Variants in SLC35F3 observed in about 807,000 individuals in gnomAD.
SLC35F3 encodes the protein solute carrier family 35 member F3.
A neutral mutation model predicts 49.9 loss-of-function variants in SLC35F3; 25 were observed. The observed-to-expected ratio is 0.50, with a 90% CI of 0.37 to 0.70. The LOEUF is 0.70. Among genes scored for constraint, SLC35F3 ranks in the 30% least tolerant of loss-of-function variants. The pLI, the probability that SLC35F3 is intolerant of heterozygous loss-of-function variation, is 0.00. For synonymous variants in SLC35F3, 275 were observed against 265.4 expected (o/e 1.04, Z -0.35); for missense variants, 525 against 639.8 (o/e 0.82, Z 1.94).
chr1:233,990,565 G>A (rs1663337806), intron 2 of SLC35F3, among the ~76,000 whole-genome samples: 1 of 152,222 alleles, frequency 6.6e-6, no homozygotes, highest in Non-Finnish European at 1.5e-5. Context: ...GTACTTAATA[G>A]CAATGTATTG....
chr1:234,318,837 C>T lies in SLC35F3; in HGVS notation c.1041C>T (p.Phe347=), dbSNP rs773902873. 1 of 1,614,170 alleles carries T rather than the reference C, an allele frequency of 6.2e-7. No homozygotes were observed. Among genetic ancestry groups the T allele is most frequent in the Non-Finnish European group, 8.5e-7 (1 of 1,179,994 alleles). Reference sequence around the variant, plus strand: ...TCTTGGGTGTGTTTAACATCCTCTTCATCACCTGCATTCCTATTATCCTCT... The same window carrying T: ...TCTTGGGTGTGTTTAACATCCTCTTTATCACCTGCATTCCTATTATCCTCT... ...LSILGVFNIL[F]ITCIPIILYF... Residue 347 remains phenylalanine, a synonymous_variant, in exon 6 of 8, where the codon TTC becomes TTT. Coordinates refer to ENST00000366618, the MANE Select transcript of SLC35F3 (RefSeq NM_173508.4).
chr1:233,995,400 G>C (rs1937260), intron 2 of SLC35F3, among the ~76,000 whole-genome samples: 33 of 140,734 alleles, frequency 2.3e-4, no homozygotes, highest in South Asian at 4.5e-4. Context: ...GGGAGCCCCT[G>C]GCCAGATGGA....
intron 2 of SLC35F3, among the ~76,000 whole-genome samples, chr1:234,226,276 C>T (rs1180951359): frequency 6.6e-6 from 1 of 152,142 alleles, no homozygotes; most frequent in South Asian, 2.1e-4. Flanking sequence ...ATCTCCTTTA[C>T]ATTTGAAAGG....
At chr1:233,913,151 A>G (rs912408340) in intron 2 of SLC35F3, among the ~76,000 whole-genome samples, 3 of 152,208 alleles carry the variant, frequency 2.0e-5, no homozygotes, top group Non-Finnish European at 4.4e-5. Context: ...GTCATTCACA[A>G]CAGAAATAGA....
At chr1:234,105,151 G>C (rs1665267007) in intron 2 of SLC35F3, among the ~76,000 whole-genome samples, 1 of 150,164 alleles carries the variant, frequency 6.7e-6, no homozygotes, top group South Asian at 2.1e-4. Context: ...AAACCTTTGG[G>C]CTCCAACCCT....
chr1:234,281,459 C>T (rs1231105966), intron 3 of SLC35F3, among the ~76,000 whole-genome samples: 1 of 152,220 alleles, frequency 6.6e-6, no homozygotes, highest in Non-Finnish European at 1.5e-5. Context: ...CCCTTGTTTG[C>T]TCTTTGTACC....
At chr1:233,931,065 C>T (rs36117461) in intron 2 of SLC35F3, among the ~76,000 whole-genome samples, 68,894 of 151,982 alleles carry the variant, frequency 0.45, 16,638 homozygotes, top group Non-Finnish European at 0.54. Context: ...TAAATGGTGT[C>T]GGGAAAACTG....
Position 233,957,793 on chromosome 1 carries a change from C to T in SLC35F3, c.283+52035C>T, listed in dbSNP as rs556907096. On this transcript the variant is annotated intron_variant, in intron 2 of 7. Transcript: ENST00000366618. The surrounding 1 kb of genome is among the most constrained non-coding windows in gnomAD (Gnocchi z 4.0). Reference sequence around the variant, plus strand: ...CTGCATGATTGCACTCCACCTAGGGCGACAAAAGCGAAACTCCATCTCAAA... The same window carrying T: ...CTGCATGATTGCACTCCACCTAGGGTGACAAAAGCGAAACTCCATCTCAAA... Among the ~76,000 whole-genome samples, 3 of 151,816 alleles carry T rather than the reference C, an allele frequency of 2.0e-5. No homozygotes were observed. The South Asian group carries it at 6.3e-4, about 32-fold the overall frequency.
chr1:234,207,903 G>C (rs1208484573), intron 2 of SLC35F3, among the ~76,000 whole-genome samples: 1 of 152,194 alleles, frequency 6.6e-6, no homozygotes, highest in Non-Finnish European at 1.5e-5. Flanking sequence ...TAGCTGCTCA[G>C]GAGGCTTAGG....
In SLC35F3 at chr1:233,905,668, A is replaced by T; in HGVS notation, c.193A>T (p.Ser65Cys). The stretch of plus-strand genomic sequence containing the variant: ...GTCGCGCTCCGTGGAGGATCTCACC[A>T]GCGGGCCGGTGGGGCTCACGTCCAT... ...KWSRSVEDLT[S>C]GPVGLTSIEE... The change falls in exon 2 of 8, where the codon AGC (serine) becomes TGC (cysteine). Residue 65 changes from serine to cysteine, a missense_variant. By Grantham distance (112) the Ser-to-Cys change is moderately radical. Coordinates refer to ENST00000366618, the MANE Select transcript of SLC35F3 (RefSeq NM_173508.4). The T allele has an allele frequency of 6.2e-7, 1 of 1,614,164 alleles. No homozygotes were observed. Among genetic ancestry groups the T allele is most frequent in the Non-Finnish European group, 8.5e-7 (1 of 1,180,026 alleles).
intron 4 of SLC35F3, among the ~76,000 whole-genome samples, chr1:234,311,217 C>T (rs1657346899): frequency 6.6e-6 from 1 of 151,796 alleles, no homozygotes; most frequent in Non-Finnish European, 1.5e-5. Context: ...ACTCCCTCTT[C>T]TCTTCTTCAG....
intron 2 of SLC35F3, among the ~76,000 whole-genome samples, chr1:234,155,991 G>A (rs1317238798): frequency 6.6e-6 from 1 of 151,546 alleles, no homozygotes; most frequent in African/African-American, 2.4e-5. Flanking sequence ...TATTTGGTGA[G>A]GAATACCAAA....
At chr1:234,116,964 A>T (rs1490438205) in intron 2 of SLC35F3, among the ~76,000 whole-genome samples, 8 of 152,194 alleles carry the variant, frequency 5.3e-5, no homozygotes. Flanking sequence ...TCCAAGGAGC[A>T]ATGGTTTATC....
chr1:234,244,353 G>A (rs926445504), intron 3 of SLC35F3, among the ~76,000 whole-genome samples: 6 of 152,160 alleles, frequency 3.9e-5, no homozygotes, highest in South Asian at 2.1e-4. Flanking sequence ...CACAGTGCCC[G>A]GTGGGGTGCT....
intron 2 of SLC35F3, among the ~76,000 whole-genome samples, chr1:234,172,636 C>A (rs868574729): frequency 6.6e-6 from 1 of 152,236 alleles, no homozygotes; most frequent in Non-Finnish European, 1.5e-5. Flanking sequence ...CGAGCACTCA[C>A]AAACCTAGAT....
intron 2 of SLC35F3, among the ~76,000 whole-genome samples, chr1:233,923,281 C>A (rs975838947): frequency 6.6e-6 from 1 of 152,192 alleles, no homozygotes; most frequent in Non-Finnish European, 1.5e-5. Context: ...TATCCATGAG[C>A]ATGGAATGTT....
intron 3 of SLC35F3, among the ~76,000 whole-genome samples, chr1:234,243,014 G>A (rs955615073): frequency 6.6e-6 from 1 of 152,158 alleles, no homozygotes; most frequent in Non-Finnish European, 1.5e-5. Context: ...ATGAATTAGT[G>A]GGGGAGTAGG....
At chr1:233,917,812 T>C (rs1019283547) in intron 2 of SLC35F3, among the ~76,000 whole-genome samples, 1 of 152,208 alleles carries the variant, frequency 6.6e-6, no homozygotes, top group African/African-American at 2.4e-5. Flanking sequence ...CATATAGATG[T>C]GAATGGAGTG....
chr1:234,315,177 T>C (rs1657458188), intron 4 of SLC35F3, among the ~76,000 whole-genome samples: 1 of 152,174 alleles, frequency 6.6e-6, no homozygotes, highest in Non-Finnish European at 1.5e-5. Flanking sequence ...CAGGCAGTGC[T>C]CTCTTACACG....
Sources: gnomAD v4.1 joint callset for allele counts (sites outside exome capture counted in the v4.1 genomes callset) on GRCh38, gnomAD v4.1.1 for gene constraint, Gnocchi (gnomAD v3.1) non-coding constraint, MANE v1.5 for transcripts, NCBI Gene and HGNC (gene_info 2026-07-23, HGNC 2026-07-21) for gene names.